ADAMTS3: variants seen among roughly 807,000 people sequenced by gnomAD.
The protein encoded by ADAMTS3 is A disintegrin and metalloproteinase with thrombospondin motifs 3.
Under a neutral mutation model 129.0 loss-of-function variants are expected in ADAMTS3, and 73 were observed. The observed-to-expected ratio is 0.57, with a 90% CI of 0.47 to 0.69. The LOEUF (loss-of-function observed/expected upper bound fraction) is 0.69. ADAMTS3 is among the 30% of genes least tolerant of loss of function. The pLI is 0.00. For synonymous variants in ADAMTS3, 477 were observed against 510.8 expected (o/e 0.93, Z 0.89); for missense variants, 1,457 against 1,514.5 (o/e 0.96, Z 0.63).
intron 8 of ADAMTS3, 105 bp downstream of exon 8, chr4:72,319,753 A>C (rs1237663531): frequency 3.0e-6 from 3 of 986,194 alleles, no homozygotes; most frequent in Admixed American, 2.2e-5. Context: ...GCAAAAGACA[A>C]GAATTGTATG....
intron 4 of ADAMTS3, among the ~76,000 whole-genome samples, chr4:72,400,001 T>C (rs1432838010): frequency 2.5e-4 from 1 of 4,004 alleles, no homozygotes; most frequent in African/African-American, 6.6e-4. Flanking sequence ...TACGTGTGTA[T>C]ATATGCACAC....
intron 16 of ADAMTS3, among the ~76,000 whole-genome samples, chr4:72,305,107 TC>T (rs1229840607): frequency 6.6e-6 from 1 of 152,110 alleles, no homozygotes; most frequent in African/African-American, 2.4e-5. Flanking sequence ...TGTCTTAGCT[TC>T]AGAAATTATC....
chr4:72,446,096 G>A (rs1718246003), intron 3 of ADAMTS3, among the ~76,000 whole-genome samples: 1 of 151,652 alleles, frequency 6.6e-6, no homozygotes, highest in Admixed American at 6.6e-5. Flanking sequence ...TTGACCTCAA[G>A]GGCCCCAGGA....
At chr4:72,406,783 T>C (rs1478588283) in intron 4 of ADAMTS3, among the ~76,000 whole-genome samples, 2 of 152,214 alleles carry the variant, frequency 1.3e-5, no homozygotes, top group Admixed American at 6.5e-5. Context: ...ATTGTTATAA[T>C]AATTTTGTCC....
At chr4:72,360,524 A>G (rs938520850) in intron 4 of ADAMTS3, among the ~76,000 whole-genome samples, 9 of 147,080 alleles carry the variant, frequency 6.1e-5, no homozygotes, top group African/African-American at 2.4e-4. Flanking sequence ...TGAGAGACTA[A>G]GTAATGAATG....
chr4:72,422,498 T>C (rs112104026), intron 3 of ADAMTS3, among the ~76,000 whole-genome samples: 2 of 152,174 alleles, frequency 1.3e-5, no homozygotes, highest in Admixed American at 6.6e-5. Context: ...TTTATTTTGC[T>C]TTAATTCTTC....
chr4:72,431,129 A>C (rs1292956549), intron 3 of ADAMTS3, among the ~76,000 whole-genome samples: 7 of 152,046 alleles, frequency 4.6e-5, no homozygotes, highest in Non-Finnish European at 8.8e-5. Context: ...AAGCAGAAGC[A>C]ATGCAAAAAG....
chr4:72,336,068 G>C (rs1353316085), intron 5 of ADAMTS3, among the ~76,000 whole-genome samples: 1 of 152,144 alleles, frequency 6.6e-6, no homozygotes, highest in Non-Finnish European at 1.5e-5. Flanking sequence ...CCTTAATTCA[G>C]AAACTATCAT....
At chr4:72,339,468 A>C (rs758367386) in intron 5 of ADAMTS3, 26 bp downstream of exon 5, 4 of 1,608,944 alleles carry the variant, frequency 2.5e-6, no homozygotes, top group Admixed American at 1.7e-5. Flanking sequence ...AAGATCAAAA[A>C]GCTTTAAAAA....
chr4:72,495,672 C>T (rs1391946734), intron 3 of ADAMTS3, among the ~76,000 whole-genome samples: 1 of 152,084 alleles, frequency 6.6e-6, no homozygotes, highest in African/African-American at 2.4e-5. Context: ...TGACCTACCT[C>T]TTTCAGTTAT....
At chr4:72,518,614 T>A (rs1720565104) in intron 3 of ADAMTS3, among the ~76,000 whole-genome samples, 1 of 152,164 alleles carries the variant, frequency 6.6e-6, no homozygotes, top group South Asian at 2.1e-4. Context: ...TCTCTTTTGA[T>A]CTTTGTTGGT....
intron 3 of ADAMTS3, among the ~76,000 whole-genome samples, chr4:72,486,875 A>G (rs1719604763): frequency 6.6e-6 from 1 of 152,126 alleles, no homozygotes; most frequent in Non-Finnish European, 1.5e-5. Context: ...CTCTAATGTC[A>G]TTAGTTTAAA....
intron 12 of ADAMTS3, 88 bp downstream of exon 12, chr4:72,313,589 C>T: frequency 7.3e-7 from 1 of 1,377,942 alleles, no homozygotes; most frequent in Admixed American, 2.1e-5. Flanking sequence ...GTTTTACATG[C>T]ACTTTATAAA....
At chr4:72,336,786 C>T (rs138843936) in intron 5 of ADAMTS3, among the ~76,000 whole-genome samples, 530 of 152,116 alleles carry the variant, frequency 3.5e-3, no homozygotes, top group Non-Finnish European at 6.0e-3. Flanking sequence ...CTGTCTGTTG[C>T]GCTGTAGGAT....
At chr4:72,490,824 T>C (rs772294832) in intron 3 of ADAMTS3, among the ~76,000 whole-genome samples, 3 of 151,932 alleles carry the variant, frequency 2.0e-5, no homozygotes, top group Non-Finnish European at 4.4e-5. Flanking sequence ...GGGTCTTTTG[T>C]GGTTTCACAG....
At chr4:72,521,648 T>C (rs1382285466) in intron 3 of ADAMTS3, among the ~76,000 whole-genome samples, 1 of 152,170 alleles carries the variant, frequency 6.6e-6, no homozygotes, top group African/African-American at 2.4e-5. Context: ...CGAAAGTGAC[T>C]ATTTATTATA....
At chr4:72,318,267 C>T (rs563999236) in intron 10 of ADAMTS3, among the ~76,000 whole-genome samples, 1 of 152,220 alleles carries the variant, frequency 6.6e-6, no homozygotes, top group African/African-American at 2.4e-5. Context: ...AGCCTGGCAG[C>T]CTTGGTTTCA....
intron 3 of ADAMTS3, among the ~76,000 whole-genome samples, chr4:72,500,749 T>C (rs1258857966): frequency 6.6e-6 from 1 of 152,142 alleles, no homozygotes; most frequent in Non-Finnish European, 1.5e-5. Flanking sequence ...TATTTTGAGG[T>C]CTTACATTTA....
chr4:72,291,126 T>C lies in ADAMTS3; in HGVS notation c.2724-64A>G, dbSNP rs1357988593. 3 of 1,552,962 alleles carry C rather than the reference T, an allele frequency of 1.9e-6. No individual in the cohort carries two copies. The African/African-American group carries it at 4.1e-5, about 21-fold the overall frequency. Reference sequence around the variant, plus strand: ...TATGTATAGTGTACACATTTCTACCTGCAAAGCCTAGACTTTTCTGCTCTC... The same window carrying C: ...TATGTATAGTGTACACATTTCTACCCGCAAAGCCTAGACTTTTCTGCTCTC... On this transcript the variant is annotated intron_variant, in intron 19 of 21. Transcript: ENST00000286657.
Sources: allele counts gnomAD v4.1 joint callset (sites outside exome capture counted in the v4.1 genomes callset), GRCh38; gene constraint gnomAD v4.1.1; transcripts MANE v1.5; gene names NCBI Gene and HGNC (gene_info 2026-07-23, HGNC 2026-07-21).